The following EFNB1 variants were observed in gnomAD, a reference collection of about 807,000 sequenced individuals.
The protein encoded by EFNB1 is ephrin-B1.
A neutral mutation model predicts 18.1 loss-of-function variants in EFNB1; 1 was observed. That is an observed-to-expected ratio of 0.06 (90% confidence interval 0.02 to 0.26). The LOEUF is 0.26. Among genes scored for constraint, EFNB1 ranks in the 10% least tolerant of loss-of-function variants. The probability of loss-of-function intolerance (pLI) is 1.00; values close to 1 mark genes in which losing one functional copy is unlikely to be tolerated. For synonymous variants in EFNB1, 131 were observed against 127.5 expected (o/e 1.03, Z -0.19); for missense variants, 221 against 301.8 (o/e 0.73, Z 1.98).
At chrX:68,830,038 G>T in intron 1 of EFNB1, 134 bp downstream of exon 1, 6 of 772,352 alleles carry the variant, frequency 7.8e-6, no homozygotes, top group East Asian at 4.7e-5. Flanking sequence ...TTTTTCGAGT[G>T]TTTTCCTGCG....
rs1281940797 is a variant in EFNB1, at chrX:68,841,392, A to T, written c.*738A>T. 2 of 92,489 alleles carry T rather than the reference A, an allele frequency of 2.2e-5. No individual in the cohort carries two copies. The highest frequency in any genetic ancestry group is 4.3e-5 in the Non-Finnish European group (2 of 46,504). 7.6% of individuals were successfully genotyped at this position (92,489 alleles called of 1,213,427 possible). ...ACACACACACACACACACAAAAAAA[A>T]ATCCCTTCCTTGTGGGATTCTTGGG... On this transcript the variant is annotated 3_prime_UTR_variant, in exon 5 of 5. Transcript: ENST00000204961.
Position 68,829,376 on chromosome X carries a change from T to G in EFNB1, c.-401T>G. 5.0e-6 allele frequency: 1 copy of G among 201,991 alleles called. No individual in the cohort carries two copies. Among genetic ancestry groups the G allele is most frequent in the Non-Finnish European group, 9.1e-6 (1 of 110,435 alleles). 16.6% of individuals were successfully genotyped at this position (201,991 alleles called of 1,213,427 possible). On this transcript the variant is annotated 5_prime_UTR_variant, in exon 1 of 5. Transcript: ENST00000204961. ...CCAAGGGACAGCGATCCCGGGACGG[T>G]CGAGGCGTCGGGGCGGTCACCGAGA...
At chrX:68,836,346 A>G (rs2080460704) in intron 1 of EFNB1, among the ~76,000 whole-genome samples, 1 of 111,762 alleles carries the variant, frequency 8.9e-6, no homozygotes. Flanking sequence ...TCCATCTGAA[A>G]TGTTTATCCA....
chrX:68,838,776 C>T lies in EFNB1; in HGVS notation c.288C>T (p.Asn96=), dbSNP rs1362605865. Residue 96 remains asparagine, a synonymous_variant, in exon 2 of 5, where the codon AAC becomes AAT. Transcript: ENST00000204961. ...CCTGTAGCACAGTTCTCGACCCCAACGTGTTGGTCACCTGCAATAGGCCAG... is the reference window on the plus strand; with the variant it reads ...CCTGTAGCACAGTTCTCGACCCCAATGTGTTGGTCACCTGCAATAGGCCAG... ...AAACSTVLDP[N]VLVTCNRPEQ... The T allele has an allele frequency of 1.7e-6, 2 of 1,210,257 alleles. No individual in the cohort carries two copies. The highest frequency in any genetic ancestry group is 2.2e-5 in the Admixed American group (1 of 45,929).
At chrX:68,839,458 T>G in intron 2 of EFNB1, among the ~76,000 whole-genome samples, 1 of 112,346 alleles carries the variant, frequency 8.9e-6, no homozygotes, top group Middle Eastern at 4.6e-3. Flanking sequence ...GGGTGGGGCT[T>G]GTTCTTGGCC....
chrX:68,839,866 C>T, intron 3 of EFNB1, 94 bp from the exon 4 acceptor site: 5 of 1,190,520 alleles, frequency 4.2e-6, no homozygotes, highest in South Asian at 1.8e-5. Context: ...CGTAGGGTTA[C>T]AGTATCCAGG....
At chrX:68,834,479 G>A (rs983586327) in intron 1 of EFNB1, among the ~76,000 whole-genome samples, 1 of 113,287 alleles carries the variant, frequency 8.8e-6, no homozygotes, top group Admixed American at 9.2e-5. Context: ...AGCTGTGTGT[G>A]CCAGGACCCA....
At chrX:68,830,586 T>C (rs1410584180) in intron 1 of EFNB1, among the ~76,000 whole-genome samples, 3 of 111,651 alleles carry the variant, frequency 2.7e-5, no homozygotes, top group Non-Finnish European at 5.7e-5. Context: ...AGAGTGGTCG[T>C]TGGGTAGTGG....
chrX:68,831,684 G>T (rs2080445909), intron 1 of EFNB1, among the ~76,000 whole-genome samples: 1 of 111,436 alleles, frequency 9.0e-6, no homozygotes, highest in Admixed American at 9.5e-5. Context: ...TCTAACCAGA[G>T]ATAGCATGCA....
chrX:68,830,678 C>T (rs972930157), intron 1 of EFNB1, among the ~76,000 whole-genome samples: 1 of 112,428 alleles, frequency 8.9e-6, no homozygotes, highest in Non-Finnish European at 1.9e-5. Flanking sequence ...GAGTGGCGGC[C>T]GAGCTGTTGA....
intron 3 of EFNB1, 23 bp downstream of exon 3, chrX:68,839,779 C>T (rs770600354): frequency 1.7e-6 from 2 of 1,196,048 alleles, no homozygotes; most frequent in East Asian, 3.0e-5. Flanking sequence ...TCTGAGGGTC[C>T]CCTCACCCCA....
chrX:68,830,874 C>CA (rs1556097589), intron 1 of EFNB1, among the ~76,000 whole-genome samples: 1 of 112,119 alleles, frequency 8.9e-6, no homozygotes, highest in Admixed American at 9.4e-5. Context: ...CCCACCACCA[C>CA]CACACACACA....
At position 68,840,580 on chromosome X, in the gene EFNB1, G is replaced by A; in HGVS notation, c.967G>A (p.Asp323Asn). Residue 323 changes from aspartate (D) to asparagine (N), a missense_variant, in exon 5 of 5, where the codon GAC becomes AAC. Transcript: ENST00000204961. Reference sequence around the variant, plus strand: ...CCCCCACTATGAGAAGGTGAGTGGGGACTACGGGCACCCTGTCTACATCGT... The same window carrying A: ...CCCCCACTATGAGAAGGTGAGTGGGAACTACGGGCACCCTGTCTACATCGT... ...YCPHYEKVSG[D>N]YGHPVYIVQE... The A allele has an allele frequency of 8.3e-7, 1 of 1,211,034 alleles. No individual in the cohort carries two copies. The highest frequency in any genetic ancestry group is 1.1e-6 in the Non-Finnish European group (1 of 895,212).
rs768292892 is a variant in EFNB1 at position 68,840,816 on chromosome X, C to T, written c.*162C>T. On this transcript the variant is annotated 3_prime_UTR_variant, in exon 5 of 5. Coordinates refer to ENST00000204961, the MANE Select transcript of EFNB1 (RefSeq NM_004429.5). ...CCCTTTTTCCCTGCCCCCTGGGCTTCGGAGGGGGGTGCTTGTGCCCCTAAC... is the reference window on the plus strand; with the variant it reads ...CCCTTTTTCCCTGCCCCCTGGGCTTTGGAGGGGGGTGCTTGTGCCCCTAAC... The T allele has an allele frequency of 1.9e-4, 115 of 596,456 alleles. No individual in the cohort carries two copies. The highest frequency in any genetic ancestry group is 5.1e-4 in the Middle Eastern group (1 of 1,955). The allele number at this position is 596,456 out of a possible 1,213,427, so 49.2% of individuals were successfully genotyped here. A position where few individuals can be genotyped will look rare whatever the true frequency, so the allele number is the denominator to read the frequency against.
Position 68,829,498 on chromosome X carries a change from C to T in EFNB1, c.-279C>T, listed in dbSNP as rs756470369. On this transcript the variant is annotated 5_prime_UTR_variant, in exon 1 of 5. Coordinates refer to ENST00000204961, the MANE Select transcript of EFNB1 (RefSeq NM_004429.5). The stretch of plus-strand genomic sequence containing the variant: ...GGCGGGATCACCCGGGGGCGCAGAG[C>T]CCCCGTCGCGCCTCGTGCGGCAGCG... The T allele has an allele frequency of 3.0e-5, 11 of 372,772 alleles. No homozygotes were observed. The highest frequency in any genetic ancestry group is 5.1e-5 in the East Asian group (1 of 19,794). 30.7% of individuals were successfully genotyped at this position (372,772 alleles called of 1,213,427 possible). A position where few individuals can be genotyped will look rare whatever the true frequency, so the allele number is the denominator to read the frequency against.
rs1219212942 is a variant in EFNB1, at chrX:68,835,665, C to G, written c.129-2952C>G. On this transcript the variant is annotated intron_variant, in intron 1 of 4. Coordinates refer to ENST00000204961, the MANE Select transcript of EFNB1 (RefSeq NM_004429.5). ...AGGCGGGTCTCATCAGGCTCCGCTC[C>G]CTTCTGCACTTCAGGGGAAGGTGAG... 2.7e-5 allele frequency among the ~76,000 whole-genome samples: 3 copies of G among 111,534 alleles called. No individual in the cohort carries two copies. In the Admixed American group the frequency reaches 2.8e-4, roughly 11 times the overall value.
Position 68,829,671 on chromosome X carries a change from G to A in EFNB1, c.-106G>A. The A allele has an allele frequency of 4.4e-6, 5 of 1,137,329 alleles. No homozygotes were observed. The highest frequency in any genetic ancestry group is 5.8e-6 in the Non-Finnish European group (5 of 855,322). The allele number at this position is 1,137,329 out of a possible 1,213,427, so 93.7% of individuals were successfully genotyped here. The stretch of plus-strand genomic sequence containing the variant: ...GCACTTCAAGGCCGGCGGCTGCGGA[G>A]GATGGGCGCCTGAGCGGCTCCGAGC... On this transcript the variant is annotated 5_prime_UTR_variant, in exon 1 of 5. Transcript: ENST00000204961.
intron 1 of EFNB1, among the ~76,000 whole-genome samples, chrX:68,835,133 G>A (rs993821620): frequency 9.0e-6 from 1 of 111,259 alleles, no homozygotes; most frequent in Non-Finnish European, 1.9e-5. Flanking sequence ...TAGGGTAGAG[G>A]GGGAAGAGCT....
At position 68,829,745 on chromosome X, in the gene EFNB1, G is replaced by A. The variant is rs2080438937; in HGVS notation, c.-32G>A. ...GCGAGCTTTGGTGAGGAGGCGCCAA[G>A]GGATCCCGAAGTGCAGTCTGCCCCC... On this transcript the variant is annotated 5_prime_UTR_variant, in exon 1 of 5. Transcript: ENST00000204961. The A allele has an allele frequency of 7.6e-6, 9 of 1,178,577 alleles. No individual in the cohort carries two copies. Among genetic ancestry groups the A allele is most frequent in the Non-Finnish European group, 9.1e-6 (8 of 878,840 alleles).
Sources: allele counts gnomAD v4.1 joint callset (sites outside exome capture counted in the v4.1 genomes callset), GRCh38; gene constraint gnomAD v4.1.1; transcripts MANE v1.5; gene names NCBI Gene and HGNC (gene_info 2026-07-23, HGNC 2026-07-21).